Variants in HADH observed in about 807,000 individuals in gnomAD.
The protein encoded by HADH is hydroxyacyl-coenzyme A dehydrogenase, mitochondrial.
A neutral mutation model predicts 32.2 loss-of-function variants in HADH; 24 were observed. The ratio of observed to expected loss-of-function variants is 0.75; its 90% CI spans 0.54 to 1.05. HADH has a LOEUF of 1.05. HADH is among the 50% of genes least tolerant of loss of function. HADH has a pLI of 0.00. For synonymous variants in HADH, 139 were observed against 152.5 expected (o/e 0.91, Z 0.65); for missense variants, 350 against 397.1 (o/e 0.88, Z 1.01).
rs1343717902 is a variant in HADH at position 108,034,582 on chromosome 4, A to G, written c.*225A>G. The G allele has an allele frequency of 2.0e-6, 1 of 491,058 alleles. No individual in the cohort carries two copies. The highest frequency in any genetic ancestry group is 2.8e-5 in the Admixed American group (1 of 36,136). The allele number at this position is 491,058 out of a possible 1,614,324, so 30.4% of individuals were successfully genotyped here. ...TTTTTTAGTCTGTTCATTTCTGTGTATTTTCTAAACAGCTTTACACCCTTG... is the reference window on the plus strand; with the variant it reads ...TTTTTTAGTCTGTTCATTTCTGTGTGTTTTCTAAACAGCTTTACACCCTTG... On this transcript the variant is annotated 3_prime_UTR_variant, in exon 8 of 8. Transcript: ENST00000309522.
intron 4 of HADH, among the ~76,000 whole-genome samples, chr4:108,022,195 G>GTA (rs1481279455): frequency 8.8e-4 from 124 of 140,600 alleles, no homozygotes; most frequent in African/African-American, 2.8e-3. Context: ...GTGTATGTGT[G>GTA]TGTGTATGTG....
intron 4 of HADH, among the ~76,000 whole-genome samples, 199 bp downstream of exon 4, chr4:108,019,865 C>G (rs1312546171): frequency 6.6e-6 from 1 of 152,152 alleles, no homozygotes. Flanking sequence ...TAGTGATATC[C>G]AGAAAGGCTG....
chr4:107,990,451 A>G (rs1232352375), intron 1 of HADH, among the ~76,000 whole-genome samples: 2 of 152,270 alleles, frequency 1.3e-5, no homozygotes, highest in Non-Finnish European at 2.9e-5. Context: ...GTTTGCTGCC[A>G]AAGACATGAA....
intron 1 of HADH, among the ~76,000 whole-genome samples, chr4:107,996,510 G>T (rs115221258): frequency 2.0e-5 from 3 of 152,068 alleles, no homozygotes; most frequent in Middle Eastern, 3.2e-3. Context: ...AAAAATGGGC[G>T]CACACTTTCT....
intron 1 of HADH, among the ~76,000 whole-genome samples, chr4:107,997,864 CT>C (rs751541451): frequency 1.2e-4 from 19 of 152,214 alleles, no homozygotes; most frequent in Non-Finnish European, 2.1e-4. Flanking sequence ...CATTTCTCCA[CT>C]GCCTTCTCCA....
chr4:108,004,265 G>A (rs1735215691), intron 1 of HADH, among the ~76,000 whole-genome samples: 1 of 152,332 alleles, frequency 6.6e-6, no homozygotes, highest in South Asian at 2.1e-4. Context: ...AGTCAGTGAA[G>A]GAATGAATGC....
At chr4:108,029,396 T>C (rs1402955722) in intron 6 of HADH, 1 of 152,944 alleles carries the variant, frequency 6.5e-6, no homozygotes, top group African/African-American at 2.4e-5. Flanking sequence ...TGAGGTTCCT[T>C]AGGTAGCAGA....
At chr4:107,991,021 G>T (rs768796975) in intron 1 of HADH, among the ~76,000 whole-genome samples, 1 of 152,156 alleles carries the variant, frequency 6.6e-6, no homozygotes, top group African/African-American at 2.4e-5. Flanking sequence ...GATTACAGGC[G>T]TTAGCCACTG....
In HADH at chr4:108,034,235, A is replaced by C. The variant is rs1381056065; in HGVS notation, c.827-4A>C. ...TCCTGAGTTCTCTTCCCTCCGCTCAATAGGGTGGCATGAAATGGATGCAGA... is the reference window on the plus strand; with the variant it reads ...TCCTGAGTTCTCTTCCCTCCGCTCACTAGGGTGGCATGAAATGGATGCAGA... On this transcript the variant is annotated splice_polypyrimidine_tract_variant and splice_region_variant and intron_variant, in intron 7 of 7. Transcript: ENST00000309522. 1.3e-6 allele frequency: 2 copies of C among 1,572,106 alleles called. No individual in the cohort carries two copies. The highest frequency in any genetic ancestry group is 8.8e-7 in the Non-Finnish European group (1 of 1,141,596).
chr4:107,991,360 A>G (rs551890765), intron 1 of HADH, among the ~76,000 whole-genome samples: 2 of 152,166 alleles, frequency 1.3e-5, no homozygotes, highest in East Asian at 1.9e-4. Context: ...CTTGTTTCCA[A>G]CCAAGTCCAC....
At chr4:108,002,104 C>G (rs1735135115) in intron 1 of HADH, among the ~76,000 whole-genome samples, 1 of 152,150 alleles carries the variant, frequency 6.6e-6, no homozygotes, top group African/African-American at 2.4e-5. Context: ...GCTTGAGAGA[C>G]CAACTTTGCC....
At position 107,989,936 on chromosome 4, in the gene HADH, G is replaced by A. The variant is rs1229463237; in HGVS notation, c.4G>A (p.Ala2Thr). The stretch of plus-strand genomic sequence containing the variant: ...CTGTCGCCGCCGCTGCCACACCATG[G>A]CCTTCGTCACCAGGCAGTTCATGCG... MAFVTRQFMRSV... is the reference protein window; with the variant it reads MTFVTRQFMRSV... The change falls in exon 1 of 8, where the codon GCC (alanine) becomes ACC (threonine). Residue 2 changes from alanine (A) to threonine (T), a missense_variant. By Grantham distance (58) the Ala-to-Thr change is moderately conservative. Coordinates refer to ENST00000309522, the MANE Select transcript of HADH (RefSeq NM_005327.7). 1.2e-6 allele frequency: 2 copies of A among 1,612,462 alleles called. No homozygotes were observed. Among genetic ancestry groups the A allele is most frequent in the African/African-American group, 1.3e-5 (1 of 74,902 alleles).
intron 3 of HADH, among the ~76,000 whole-genome samples, chr4:108,016,924 C>T (rs1308894316): frequency 5.9e-5 from 9 of 152,164 alleles, no homozygotes. Flanking sequence ...TTCCTGAGTG[C>T]CTGCTGTGTA....
chr4:108,018,790 G>A (rs757498635), intron 3 of HADH, among the ~76,000 whole-genome samples: 4 of 152,156 alleles, frequency 2.6e-5, no homozygotes, highest in Non-Finnish European at 4.4e-5. Context: ...CTGCAGGAAA[G>A]CCTGGAAGTC....
At chr4:108,005,623 A>G (rs1735270533) in intron 1 of HADH, among the ~76,000 whole-genome samples, 1 of 152,266 alleles carries the variant, frequency 6.6e-6, no homozygotes, top group Non-Finnish European at 1.5e-5. Flanking sequence ...AGATTTTAAT[A>G]TCATAATTAT....
Position 108,021,900 on chromosome 4 carries a change from G to A in HADH, c.547-1574G>A, listed in dbSNP as rs570333864. 1.2e-4 allele frequency among the ~76,000 whole-genome samples: 18 copies of A among 152,142 alleles called. No individual in the cohort carries two copies. The South Asian group carries it at 2.5e-3, about 21-fold the overall frequency. On this transcript the variant is annotated intron_variant, in intron 4 of 7. Coordinates refer to ENST00000309522, the MANE Select transcript of HADH (RefSeq NM_005327.7). ...ATCCATTCACTTCTCTTGATGTCAC[G>A]ACATGACACCATGGCCCAGGCTGTG...
At chr4:108,015,572 C>T (rs1184590304) in intron 3 of HADH, among the ~76,000 whole-genome samples, 1 of 152,198 alleles carries the variant, frequency 6.6e-6, no homozygotes, top group Non-Finnish European at 1.5e-5. Context: ...CTCCCTCTCT[C>T]CTACCCCACA....
rs1398617923 is a variant in HADH, at chr4:108,027,690, C to T, written c.639C>T (p.Asp213=). The change falls in exon 6 of 8, where the codon GAC becomes GAT. Residue 213 remains aspartate, a splice_region_variant and synonymous_variant. Coordinates refer to ENST00000309522, the MANE Select transcript of HADH (RefSeq NM_005327.7). ...TGTTTTTCTGTCTCCCAAAACAGGA[C>T]ACTCCTGGGTTTATTGTGAACCGCC... The part of the protein sequence containing the change: ...ALGKHPVSCK[D]TPGFIVNRLL... The T allele has an allele frequency of 2.0e-5, 32 of 1,598,928 alleles. No individual in the cohort carries two copies. The highest frequency in any genetic ancestry group is 2.6e-5 in the Non-Finnish European group (30 of 1,166,222).
At chr4:108,010,640 G>A (rs1735454848) in intron 2 of HADH, among the ~76,000 whole-genome samples, 1 of 152,114 alleles carries the variant, frequency 6.6e-6, no homozygotes, top group African/African-American at 2.4e-5. Flanking sequence ...GGTATATCTA[G>A]ATGCTTTTAA....
Sources: allele counts gnomAD v4.1 joint callset (sites outside exome capture counted in the v4.1 genomes callset), GRCh38; gene constraint gnomAD v4.1.1; transcripts MANE v1.5; gene names NCBI Gene and HGNC (gene_info 2026-07-23, HGNC 2026-07-21).